Variants in WNK3 observed in about 807,000 individuals in gnomAD.
WNK3 encodes the protein serine/threonine-protein kinase WNK3.
A neutral mutation model predicts 116.7 loss-of-function variants in WNK3; 18 were observed. The ratio of observed to expected loss-of-function variants is 0.15; its 90% confidence interval spans 0.11 to 0.23. The LOEUF (loss-of-function observed/expected upper bound fraction) is 0.23. WNK3 is among the 10% of genes least tolerant of loss of function. WNK3 has a pLI of 1.00. For missense variants in WNK3, 993 were observed against 1,323.8 expected (o/e 0.75, Z 3.88); for synonymous variants, 404 against 469.4 (o/e 0.86, Z 1.80).
intron 10 of WNK3, among the ~76,000 whole-genome samples, chrX:54,270,377 C>T (rs782448648): frequency 5.6e-5 from 6 of 106,431 alleles, no homozygotes; most frequent in African/African-American, 1.0e-4. Flanking sequence ...AGATTACAGG[C>T]GTGAGCCACA....
At chrX:54,256,822 T>C (rs1486600234) in intron 11 of WNK3, among the ~76,000 whole-genome samples, 2 of 112,338 alleles carry the variant, frequency 1.8e-5, no homozygotes, top group African/African-American at 6.5e-5. Context: ...AAGAGTTTTT[T>C]AAATACACAG....
At chrX:54,289,994 G>A (rs1238400383) in intron 10 of WNK3, among the ~76,000 whole-genome samples, 1 of 112,178 alleles carries the variant, frequency 8.9e-6, no homozygotes, top group Non-Finnish European at 1.9e-5. Context: ...ATTGGTTGTG[G>A]CCAGGCATGG....
intron 1 of WNK3, among the ~76,000 whole-genome samples, chrX:54,343,235 G>A (rs1238400572): frequency 1.8e-5 from 2 of 110,942 alleles, no homozygotes; most frequent in Admixed American, 9.7e-5. Flanking sequence ...TCAGCCGGGC[G>A]CGGTGGCTCA....
chrX:54,340,976 CAT>C (rs1360394414), intron 1 of WNK3, among the ~76,000 whole-genome samples: 1 of 112,112 alleles, frequency 8.9e-6, no homozygotes, highest in Non-Finnish European at 1.9e-5. Flanking sequence ...GAAATGAAAA[CAT>C]ATGTCCACAC....
intron 5 of WNK3, among the ~76,000 whole-genome samples, chrX:54,302,196 T>C (rs1472993562): frequency 7.2e-5 from 8 of 111,772 alleles, no homozygotes; most frequent in African/African-American, 2.6e-4. Flanking sequence ...GAATAATTAA[T>C]GACATGGGAA....
intron 22 of WNK3, among the ~76,000 whole-genome samples, chrX:54,210,757 G>C (rs2067604393): frequency 8.9e-6 from 1 of 111,732 alleles, no homozygotes; most frequent in South Asian, 3.7e-4. Flanking sequence ...AATAATTTCT[G>C]GCTTCCAGTA....
At chrX:54,321,862 A>G (rs1216152852) in intron 2 of WNK3, among the ~76,000 whole-genome samples, 2 of 108,852 alleles carry the variant, frequency 1.8e-5, no homozygotes, top group Non-Finnish European at 3.8e-5. Context: ...CGAGAGGCTG[A>G]GGCAGGAAAT....
chrX:54,199,871 G>C (rs782099368), intron 23 of WNK3, among the ~76,000 whole-genome samples: 1 of 111,635 alleles, frequency 9.0e-6, no homozygotes, highest in Non-Finnish European at 1.9e-5. Flanking sequence ...AAAAAATACA[G>C]ATGAAGTTCC....
At chrX:54,329,003 T>C (rs1441768584) in intron 2 of WNK3, among the ~76,000 whole-genome samples, 1 of 111,694 alleles carries the variant, frequency 9.0e-6, no homozygotes, top group Non-Finnish European at 1.9e-5. Flanking sequence ...CTCCTAAAGA[T>C]TCCAATTTGA....
intron 10 of WNK3, among the ~76,000 whole-genome samples, chrX:54,284,388 G>C (rs1343950814): frequency 9.0e-6 from 1 of 111,659 alleles, no homozygotes; most frequent in African/African-American, 3.3e-5. Flanking sequence ...TAAAAATGCT[G>C]GTGAGGGTGT....
intron 22 of WNK3, among the ~76,000 whole-genome samples, chrX:54,223,144 T>C (rs782808449): frequency 1.8e-5 from 2 of 108,604 alleles, no homozygotes; most frequent in African/African-American, 6.7e-5. Context: ...AAAGACAGAT[T>C]GACAGAATAA....
At chrX:54,231,118 T>G (rs974940526) in intron 21 of WNK3, among the ~76,000 whole-genome samples, 27 of 112,325 alleles carry the variant, frequency 2.4e-4, no homozygotes, top group African/African-American at 8.1e-4. Context: ...AAGCAGAAAC[T>G]ATGCATAAAA....
intron 22 of WNK3, among the ~76,000 whole-genome samples, chrX:54,222,382 AT>A (rs2067773144): frequency 9.2e-6 from 1 of 108,784 alleles, no homozygotes; most frequent in Non-Finnish European, 1.9e-5. Flanking sequence ...GAGAGCCTGT[AT>A]TTAAAAAAAA....
At chrX:54,245,045 T>C (rs2146910209) in intron 17 of WNK3, among the ~76,000 whole-genome samples, 1 of 111,294 alleles carries the variant, frequency 9.0e-6, no homozygotes, top group East Asian at 2.8e-4. Flanking sequence ...AAAACAAAAA[T>C]CCCTGTAACA....
chrX:54,238,224 C>A, intron 19 of WNK3, 118 bp downstream of exon 19: 1 of 892,088 alleles, frequency 1.1e-6, no homozygotes, highest in Non-Finnish European at 1.5e-6. Context: ...AAGAGTGAAA[C>A]TCCATCTCAA....
intron 12 of WNK3, among the ~76,000 whole-genome samples, chrX:54,255,446 C>T (rs782659036): frequency 2.4e-4 from 27 of 111,668 alleles, no homozygotes; most frequent in Non-Finnish European, 2.6e-4. Flanking sequence ...ACTATTACAA[C>T]CTCAATAATG....
At chrX:54,213,766 G>A (rs1288203880) in intron 22 of WNK3, among the ~76,000 whole-genome samples, 2 of 108,798 alleles carry the variant, frequency 1.8e-5, no homozygotes, top group Non-Finnish European at 3.8e-5. Context: ...GAAAAAAAGA[G>A]AAGACAAATT....
chrX:54,298,152 G>T, intron 7 of WNK3, 23 bp downstream of exon 7: 1 of 982,546 alleles, frequency 1.0e-6, no homozygotes. Flanking sequence ...GAGGTGAGGG[G>T]AATAGTGGTA....
chrX:54,198,255 C>T (rs1260064586), exon 24 of WNK3: 27 of 930,293 alleles, frequency 2.9e-5, no homozygotes, highest in Non-Finnish European at 3.2e-5. Context: ...GAGGAAGAAA[C>T]TTTAATATCT....
Sources: allele counts gnomAD v4.1 joint callset (sites outside exome capture counted in the v4.1 genomes callset), GRCh38; gene constraint gnomAD v4.1.1; transcripts MANE v1.5; gene names NCBI Gene and HGNC (gene_info 2026-07-23, HGNC 2026-07-21).